Variants in EPHA6 observed in about 807,000 individuals in gnomAD.
EPHA6 encodes the protein ephrin type-A receptor 6.
A neutral mutation model predicts 112.0 loss-of-function variants in EPHA6; 50 were observed. The ratio of observed to expected loss-of-function variants is 0.45; its 90% CI spans 0.36 to 0.56. EPHA6 has a LOEUF of 0.56. Ranked by LOEUF, EPHA6 falls within the 20% of genes least tolerant of loss-of-function variation. The probability of loss-of-function intolerance (pLI) is 0.00; values close to 1 mark genes in which losing one functional copy is unlikely to be tolerated. For missense variants in EPHA6, 1,280 were observed against 1,417.4 expected (o/e 0.90, Z 1.56); for synonymous variants, 529 against 490.7 (o/e 1.08, Z -1.03).
At chr3:96,894,146 G>A (rs1384264840) in intron 2 of EPHA6, among the ~76,000 whole-genome samples, 1 of 152,120 alleles carries the variant, frequency 6.6e-6, no homozygotes, top group Non-Finnish European at 1.5e-5. Flanking sequence ...ATTCATTTGT[G>A]ATCTGGCACA....
At chr3:97,239,402 G>T (rs1025730379) in intron 4 of EPHA6, among the ~76,000 whole-genome samples, 2 of 151,770 alleles carry the variant, frequency 1.3e-5, no homozygotes, top group African/African-American at 4.8e-5. Context: ...CTCCCCACTT[G>T]CTGTTGCAAA....
chr3:97,550,223 C>A (rs1230566383), intron 11 of EPHA6, among the ~76,000 whole-genome samples: 2 of 152,156 alleles, frequency 1.3e-5, no homozygotes, highest in Non-Finnish European at 1.5e-5. Flanking sequence ...ACAGTAAGAA[C>A]CCTAAAGTCT....
At chr3:97,212,102 A>G (rs539238831) in intron 3 of EPHA6, among the ~76,000 whole-genome samples, 1 of 152,298 alleles carries the variant, frequency 6.6e-6, no homozygotes, top group South Asian at 2.1e-4. Context: ...AAATATTGAA[A>G]GAAAAGATGA....
chr3:97,310,307 A>G (rs2081497527), intron 5 of EPHA6, among the ~76,000 whole-genome samples: 1 of 151,640 alleles, frequency 6.6e-6, no homozygotes, highest in Admixed American at 6.6e-5. Flanking sequence ...TACTGAACAC[A>G]CATCAACTTG....
chr3:97,682,192 C>G (rs1484874193), intron 14 of EPHA6, among the ~76,000 whole-genome samples: 1 of 151,978 alleles, frequency 6.6e-6, no homozygotes, highest in Non-Finnish European at 1.5e-5. Context: ...GCTTGGATCA[C>G]CTGTTAAGCT....
In EPHA6 at chr3:97,275,822, G is replaced by A. The variant is rs183487121; in HGVS notation, c.1606+31535G>A. Among the ~76,000 whole-genome samples, 85 of 152,036 alleles carry A rather than the reference G, an allele frequency of 5.6e-4. 1 individual carries two copies. In the East Asian group the frequency reaches 0.013, roughly 23 times the overall value. On this transcript the variant is annotated intron_variant, in intron 5 of 17. Transcript: ENST00000389672. ...GGGAGTAGAGGTATCCCATACTGGT[G>A]GGTTAAGGTGGGGGGATATGACAGG...
chr3:97,186,607 C>T (rs148347777), intron 3 of EPHA6, among the ~76,000 whole-genome samples: 72 of 152,198 alleles, frequency 4.7e-4, no homozygotes, highest in African/African-American at 1.7e-3. Context: ...TCTGTGGTAG[C>T]TCAGCCCTTG....
Position 97,337,640 on chromosome 3 carries a change from T to C in EPHA6, c.1607-67510T>C, listed in dbSNP as rs1174035239. 2.0e-5 allele frequency among the ~76,000 whole-genome samples: 3 copies of C among 152,290 alleles called. No homozygotes were observed. In the South Asian group the frequency reaches 6.2e-4, roughly 32 times the overall value. ...TTGTGCTATAAACCTTTCCCACTTATGGTAGCAAGGAGGAAACTTTAGGGA... is the reference window on the plus strand; with the variant it reads ...TTGTGCTATAAACCTTTCCCACTTACGGTAGCAAGGAGGAAACTTTAGGGA... On this transcript the variant is annotated intron_variant, in intron 5 of 17. Transcript: ENST00000389672.
rs570132844 is a variant in EPHA6 at position 97,340,049 on chromosome 3, T to C, written c.1607-65101T>C. On this transcript the variant is annotated intron_variant, in intron 5 of 17. Transcript: ENST00000389672. ...TGATAACCTAAATATTTTTTCCAGA[T>C]GAAATTTCAAAATAGATAAAAAATT... Among the ~76,000 whole-genome samples the C allele has an allele frequency of 7.9e-5, 12 of 152,350 alleles. No individual in the cohort carries two copies. The South Asian group carries it at 2.5e-3, about 32-fold the overall frequency.
chr3:97,396,019 C>T (rs1038366181), intron 5 of EPHA6, among the ~76,000 whole-genome samples: 1 of 151,420 alleles, frequency 6.6e-6, no homozygotes, highest in African/African-American at 2.4e-5. Context: ...AAAAAGGAAT[C>T]GATAGCCTTG....
intron 2 of EPHA6, among the ~76,000 whole-genome samples, chr3:96,872,440 A>T (rs939748674): frequency 6.6e-6 from 1 of 152,016 alleles, no homozygotes; most frequent in Non-Finnish European, 1.5e-5. Flanking sequence ...CTTTATGTAG[A>T]TTTAAATTTC....
intron 3 of EPHA6, among the ~76,000 whole-genome samples, chr3:97,004,869 G>C (rs569351157): frequency 1.3e-5 from 2 of 152,038 alleles, no homozygotes; most frequent in South Asian, 2.1e-4. Context: ...ATGAATAGGA[G>C]ATCCTTTCCC....
intron 14 of EPHA6, among the ~76,000 whole-genome samples, chr3:97,698,256 C>A (rs2033163232): frequency 1.3e-5 from 2 of 152,146 alleles, no homozygotes; most frequent in African/African-American, 4.8e-5. Flanking sequence ...GCCTTGGCCT[C>A]CCAAAGTGCT....
At chr3:97,007,325 T>C (rs187046186) in intron 3 of EPHA6, among the ~76,000 whole-genome samples, 5 of 152,338 alleles carry the variant, frequency 3.3e-5, no homozygotes, top group Admixed American at 3.3e-4. Flanking sequence ...AGTTAGCTCT[T>C]CTTGTTGAAT....
chr3:96,948,326 G>T (rs914586138), intron 2 of EPHA6, among the ~76,000 whole-genome samples: 2 of 152,124 alleles, frequency 1.3e-5, no homozygotes, highest in African/African-American at 4.8e-5. Flanking sequence ...ACATAAAGTT[G>T]ATTGTGATTC....
chr3:97,655,401 A>G (rs301956), intron 14 of EPHA6, among the ~76,000 whole-genome samples: 94,167 of 151,440 alleles, frequency 0.62, 29,488 homozygotes, highest in African/African-American at 0.71. Flanking sequence ...CTTGCAGAAG[A>G]CAATGGATAT....
intron 5 of EPHA6, among the ~76,000 whole-genome samples, chr3:97,324,977 C>T (rs1286733460): frequency 6.6e-6 from 1 of 151,928 alleles, no homozygotes; most frequent in African/African-American, 2.4e-5. Flanking sequence ...GTTTTCTAAC[C>T]TCTTTCTAAA....
In EPHA6 at chr3:97,516,924, A is replaced by T. The variant is rs116584168; in HGVS notation, c.2201-15434A>T. On this transcript the variant is annotated intron_variant, in intron 10 of 17. Transcript: ENST00000389672. ...CCCCCCTCATTCATTTATTTCATTCATGCAACAAATATTAAAAAGATATTT... is the reference window on the plus strand; with the variant it reads ...CCCCCCTCATTCATTTATTTCATTCTTGCAACAAATATTAAAAAGATATTT... 9.5e-3 allele frequency among the ~76,000 whole-genome samples: 1,450 copies of T among 152,182 alleles called. 13 individuals carry two copies. The highest frequency in any genetic ancestry group is 0.014 in the Non-Finnish European group (959 of 67,966).
chr3:97,039,085 C>T (rs1471040676), intron 3 of EPHA6, among the ~76,000 whole-genome samples: 2 of 151,858 alleles, frequency 1.3e-5, no homozygotes, highest in Non-Finnish European at 2.9e-5. Context: ...TACCTAACAG[C>T]CTAAATGGGC....
Sources: gnomAD v4.1 joint callset for allele counts (sites outside exome capture counted in the v4.1 genomes callset) on GRCh38, gnomAD v4.1.1 for gene constraint, MANE v1.5 for transcripts, NCBI Gene and HGNC (gene_info 2026-07-23, HGNC 2026-07-21) for gene names.